RTN1: variants seen among roughly 807,000 people sequenced by gnomAD.
The protein encoded by RTN1 is reticulon 1.
A neutral mutation model predicts 65.5 loss-of-function variants in RTN1; 25 were observed. That is an observed-to-expected ratio of 0.38 (90% confidence interval 0.28 to 0.53). The LOEUF (loss-of-function observed/expected upper bound fraction) is 0.53. RTN1 is among the 20% of genes least tolerant of loss of function. The pLI, the probability that RTN1 is intolerant of heterozygous loss-of-function variation, is 0.79. For synonymous variants in RTN1, 471 were observed against 447.6 expected, an observed-to-expected ratio of 1.05 and a Z score of -0.66; for missense variants, 983 against 1,025.4, an observed-to-expected ratio of 0.96 and a Z score of 0.57.
Position 59,728,249 on chromosome 14 carries a change from C to CTTTTTTTTTTTTTTTTTTTTTTTTT in RTN1, c.1016-606_1016-582dup, listed in dbSNP as rs200434592. On this transcript the variant is annotated intron_variant, in intron 2 of 8. Coordinates refer to ENST00000267484, the MANE Select transcript of RTN1 (RefSeq NM_021136.3). Reference sequence around the variant, plus strand: ...TTATATTTCCAATAAGAATCAGTATCTTTTTTTTTTTTTTTTTTTTTTTTT... The same window carrying CTTTTTTTTTTTTTTTTTTTTTTTTT: ...TTATATTTCCAATAAGAATCAGTATCTTTTTTTTTTTTTTTTTTTTTTTTTTTTTTTTTTTTTTTTTTTTTTTTTT... Among the ~76,000 whole-genome samples, 5 of 124,162 alleles carry CTTTTTTTTTTTTTTTTTTTTTTTTT rather than the reference C, an allele frequency of 4.0e-5. 1 individual carries two copies. Among genetic ancestry groups the CTTTTTTTTTTTTTTTTTTTTTTTTT allele is most frequent in the African/African-American group, 1.5e-4 (5 of 33,578 alleles). The allele number at this position is 124,162 out of a possible 152,430, so 81.5% of individuals were successfully genotyped here. A position where few individuals can be genotyped will look rare whatever the true frequency, so the allele number is the denominator to read the frequency against.
At chr14:59,659,816 G>A (rs183700136) in intron 3 of RTN1, among the ~76,000 whole-genome samples, 7 of 152,278 alleles carry the variant, frequency 4.6e-5, no homozygotes, top group Admixed American at 4.6e-4. Context: ...TCGACACTAT[G>A]AAGAAACTGC....
chr14:59,716,825 A>G (rs1400234751), intron 3 of RTN1, among the ~76,000 whole-genome samples: 6 of 151,528 alleles, frequency 4.0e-5, no homozygotes, highest in Admixed American at 3.9e-4. Flanking sequence ...AAAATTAGCC[A>G]GGCGTGGTGG....
chr14:59,688,055 T>A (rs1159021842), intron 3 of RTN1, among the ~76,000 whole-genome samples: 1 of 152,022 alleles, frequency 6.6e-6, no homozygotes, highest in African/African-American at 2.4e-5. Context: ...CACCTGCTCA[T>A]GTAGAACAGA....
chr14:59,714,869 G>A (rs1200644681), intron 3 of RTN1, among the ~76,000 whole-genome samples: 1 of 152,230 alleles, frequency 6.6e-6, no homozygotes, highest in African/African-American at 2.4e-5. Flanking sequence ...GCAGGTGAGT[G>A]AGCATTTCTT....
chr14:59,850,248 CAT>C (rs1355446602), intron 1 of RTN1, among the ~76,000 whole-genome samples: 1 of 152,190 alleles, frequency 6.6e-6, no homozygotes, highest in Non-Finnish European at 1.5e-5. Flanking sequence ...TTAAAAATAT[CAT>C]ATGTTGAAAA....
At position 59,764,290 on chromosome 14, in the gene RTN1, G is replaced by C. The variant is rs534413277; in HGVS notation, c.242-17809C>G. Among the ~76,000 whole-genome samples, 4 of 152,136 alleles carry C rather than the reference G, an allele frequency of 2.6e-5. No individual in the cohort carries two copies. The East Asian group carries it at 7.7e-4, about 29-fold the overall frequency. On this transcript the variant is annotated intron_variant, in intron 1 of 8. Transcript: ENST00000267484. ...TTCCAAAATGATAGCATTCAGGTTT[G>C]GGGGTTATATCAAATGCATTTGTGA... is the stretch of plus-strand genomic sequence containing the variant.
intron 3 of RTN1, among the ~76,000 whole-genome samples, chr14:59,716,966 T>TCAAC (rs1884547347): frequency 8.8e-6 from 1 of 114,070 alleles, no homozygotes; most frequent in African/African-American, 4.1e-5. Flanking sequence ...AGACTCCATC[T>TCAAC]CAACAAACAA....
intron 1 of RTN1, among the ~76,000 whole-genome samples, chr14:59,760,983 G>A (rs2139544887): frequency 6.6e-6 from 1 of 152,248 alleles, no homozygotes; most frequent in African/African-American, 2.4e-5. Context: ...TCCTAGTTCT[G>A]AGTCCCTTGA....
At chr14:59,833,295 A>G (rs1887157963) in intron 1 of RTN1, among the ~76,000 whole-genome samples, 1 of 152,152 alleles carries the variant, frequency 6.6e-6, no homozygotes, top group Admixed American at 6.5e-5. Context: ...ACAGCTCATA[A>G]CTCAGAGATA....
At position 59,761,962 on chromosome 14, in the gene RTN1, C is replaced by T. The variant is rs138832379; in HGVS notation, c.242-15481G>A. Among the ~76,000 whole-genome samples, 34 of 152,172 alleles carry T rather than the reference C, an allele frequency of 2.2e-4. 1 individual carries two copies. The East Asian group carries it at 5.8e-3, about 26-fold the overall frequency. ...CAAGCAAATGAGGATGACAACTAAG[C>T]GGTAATGCTGTTAGGAACACGACAT... is the stretch of plus-strand genomic sequence containing the variant. On this transcript the variant is annotated intron_variant, in intron 1 of 8. Transcript: ENST00000267484.
At chr14:59,704,172 G>A (rs944498255) in intron 3 of RTN1, among the ~76,000 whole-genome samples, 1 of 152,074 alleles carries the variant, frequency 6.6e-6, no homozygotes, top group African/African-American at 2.4e-5. Flanking sequence ...CTAGCAAAAT[G>A]CTCCTGCAAA....
chr14:59,785,102 T>C (rs1358085378), intron 1 of RTN1, among the ~76,000 whole-genome samples: 2 of 152,192 alleles, frequency 1.3e-5, no homozygotes, highest in Non-Finnish European at 2.9e-5. Context: ...CCACAGTAGT[T>C]GCTTCAAATG....
intron 1 of RTN1, among the ~76,000 whole-genome samples, chr14:59,856,587 A>G (rs961800635): frequency 4.6e-5 from 7 of 152,154 alleles, no homozygotes; most frequent in Non-Finnish European, 1.0e-4. Flanking sequence ...GACATGGGAA[A>G]CGCAGCAGAT....
intron 2 of RTN1, among the ~76,000 whole-genome samples, chr14:59,741,266 T>C (rs1383910845): frequency 6.6e-6 from 1 of 152,198 alleles, no homozygotes; most frequent in Non-Finnish European, 1.5e-5. Flanking sequence ...CTGGCCTCAC[T>C]TCCTCAGATA....
Position 59,727,115 on chromosome 14 carries a change from G to C in RTN1, c.1569C>G (p.Leu523=). The stretch of plus-strand genomic sequence containing the variant: ...GCTGGGGCTCAGTTGAGGGGTAGTC[G>C]AGGAAGGAACCCGGCTCGGCCAGGC... ...RRGLAEPGSF[L]DYPSTEPQPG... Residue 523 remains leucine (L), a synonymous_variant, in exon 3 of 9, where the codon CTC becomes CTG. Coordinates refer to ENST00000267484, the MANE Select transcript of RTN1 (RefSeq NM_021136.3). The surrounding 1 kb of genome is among the most constrained non-coding windows in gnomAD (Gnocchi z 4.2). 6.2e-7 allele frequency: 1 copy of C among 1,609,166 alleles called. No individual in the cohort carries two copies. Among genetic ancestry groups the C allele is most frequent in the Non-Finnish European group, 8.5e-7 (1 of 1,177,836 alleles).
In RTN1 at chr14:59,766,255, C is replaced by T. The variant is rs1177988818; in HGVS notation, c.242-19774G>A. On this transcript the variant is annotated intron_variant, in intron 1 of 8. Coordinates refer to ENST00000267484, the MANE Select transcript of RTN1 (RefSeq NM_021136.3). The surrounding 1 kb of genome is among the most constrained non-coding windows in gnomAD (Gnocchi z 4.4). Reference sequence around the variant, plus strand: ...AAAAAAAAAATTCATTAACAATTACCTAGAATTTAATCTGTGCCTCAACAC... The same window carrying T: ...AAAAAAAAAATTCATTAACAATTACTTAGAATTTAATCTGTGCCTCAACAC... Among the ~76,000 whole-genome samples the T allele has an allele frequency of 6.6e-6, 1 of 151,930 alleles. No homozygotes were observed. The highest frequency in any genetic ancestry group is 2.4e-5 in the African/African-American group (1 of 41,384).
chr14:59,737,664 T>C (rs1209655960), intron 2 of RTN1, among the ~76,000 whole-genome samples: 1 of 152,132 alleles, frequency 6.6e-6, no homozygotes, highest in African/African-American at 2.4e-5. Context: ...AAAAACTATT[T>C]TAAAATTCAT....
At chr14:59,771,044 C>CA (rs113697863) in intron 1 of RTN1, among the ~76,000 whole-genome samples, 2,693 of 115,024 alleles carry the variant, frequency 0.023, 65 homozygotes, top group African/African-American at 0.077. Context: ...GACTCCGTCT[C>CA]AAAAAAAAAA....
intron 3 of RTN1, among the ~76,000 whole-genome samples, chr14:59,631,458 G>C (rs1171772521): frequency 2.0e-5 from 3 of 152,196 alleles, no homozygotes; most frequent in Non-Finnish European, 4.4e-5. Context: ...ATTGACCACT[G>C]GGGGGCAATG....
Sources: allele counts gnomAD v4.1 joint callset (sites outside exome capture counted in the v4.1 genomes callset), GRCh38; gene constraint gnomAD v4.1.1; non-coding constraint Gnocchi (gnomAD v3.1); transcripts MANE v1.5; gene names NCBI Gene and HGNC (gene_info 2026-07-23, HGNC 2026-07-21).